Variants in TSPEAR observed in about 807,000 individuals in gnomAD.
TSPEAR encodes the protein thrombospondin-type laminin G domain and EAR repeat-containing protein.
Under a neutral mutation model 71.6 loss-of-function variants are expected in TSPEAR, and 69 were observed. The observed-to-expected ratio is 0.96, with a 90% CI of 0.79 to 1.18. The LOEUF (loss-of-function observed/expected upper bound fraction) is 1.18, where lower values mean the gene tolerates loss of function less well. TSPEAR is among the 50% of genes most tolerant of loss of function. TSPEAR has a pLI of 0.00. For missense variants in TSPEAR, 971 were observed against 894.9 expected (o/e 1.09, Z -1.09); for synonymous variants, 402 against 387.2 (o/e 1.04, Z -0.45).
chr21:44,587,660 T>C (rs113690143), intron 1 of TSPEAR, among the ~76,000 whole-genome samples: 4,550 of 152,116 alleles, frequency 0.03, 201 homozygotes, highest in African/African-American at 0.096. Context: ...CAAAACAGCA[T>C]TGGTATAAAA....
intron 11 of TSPEAR, among the ~76,000 whole-genome samples, chr21:44,501,625 AT>A (rs1555911099): frequency 2.0e-5 from 3 of 152,224 alleles, no homozygotes; most frequent in African/African-American, 2.4e-5. Flanking sequence ...TTAGCCAGGC[AT>A]GGTTGGCCCA....
chr21:44,677,420 A>T, intron 1 of TSPEAR: 2 of 1,008,036 alleles, frequency 2.0e-6, no homozygotes, highest in Non-Finnish European at 3.2e-6. Context: ...TCGCCTGCAG[A>T]GTGACATTTG....
At chr21:44,602,082 C>T (rs916020917) in intron 1 of TSPEAR, 2 of 408,756 alleles carry the variant, frequency 4.9e-6, no homozygotes, top group East Asian at 4.6e-5. Flanking sequence ...GAGCCCTGCT[C>T]CTCCCCTGCT....
In TSPEAR at chr21:44,593,690, G is replaced by C. The variant is rs988004116; in HGVS notation, c.83-25685C>G. Among the ~76,000 whole-genome samples, 1 of 152,180 alleles carries C rather than the reference G, an allele frequency of 6.6e-6. No homozygotes were observed. Among genetic ancestry groups the C allele is most frequent in the Admixed American group, 6.5e-5 (1 of 15,286 alleles). On this transcript the variant is annotated intron_variant, in intron 1 of 11. Coordinates refer to ENST00000323084, the MANE Select transcript of TSPEAR (RefSeq NM_144991.3). The surrounding 1 kb of genome is among the most constrained non-coding windows in gnomAD (Gnocchi z 5.9). ...CCCACAGAGCAGACTCTGGCAATAA[G>C]ATATCAAATTACAAACAGGACCTCA...
At chr21:44,540,873 GT>G (rs1312711270) in intron 2 of TSPEAR, among the ~76,000 whole-genome samples, 2 of 152,310 alleles carry the variant, frequency 1.3e-5, no homozygotes, top group East Asian at 3.9e-4. Context: ...GGAAAGAAAA[GT>G]TTTGAACTGG....
intron 1 of TSPEAR, among the ~76,000 whole-genome samples, chr21:44,652,748 G>A (rs937723908): frequency 2.0e-5 from 3 of 152,096 alleles, no homozygotes; most frequent in Admixed American, 6.5e-5. Flanking sequence ...GGTTTTCTGG[G>A]ACTCCAGTTG....
At chr21:44,523,471 T>C (rs1208110096) in intron 8 of TSPEAR, among the ~76,000 whole-genome samples, 2 of 151,152 alleles carry the variant, frequency 1.3e-5, no homozygotes, top group Non-Finnish European at 2.9e-5. Context: ...AATCAGTCAG[T>C]CAGGCAGTTA....
intron 2 of TSPEAR, among the ~76,000 whole-genome samples, chr21:44,554,022 T>C (rs1555919447): frequency 6.6e-6 from 1 of 152,112 alleles, no homozygotes; most frequent in African/African-American, 2.4e-5. Flanking sequence ...TTGGAAAAAA[T>C]GCTTAAGGAA....
intron 1 of TSPEAR, chr21:44,697,193 G>A (rs782186921): frequency 7.4e-6 from 12 of 1,612,264 alleles, no homozygotes; most frequent in Non-Finnish European, 7.6e-6. Context: ...CAGCACGGCT[G>A]CATCCACCAT....
At chr21:44,531,887 A>G (rs2052980014) in intron 3 of TSPEAR, among the ~76,000 whole-genome samples, 1 of 152,248 alleles carries the variant, frequency 6.6e-6, no homozygotes, top group South Asian at 2.1e-4. Flanking sequence ...CAGCGTGGCT[A>G]GAGCTCCTGG....
chr21:44,539,146 C>T (rs2053151105), intron 2 of TSPEAR: 2 of 1,318,618 alleles, frequency 1.5e-6, no homozygotes, highest in African/African-American at 1.5e-5. Flanking sequence ...AGGATGGAGG[C>T]TCCTGGGAGC....
In TSPEAR at chr21:44,608,851, C is replaced by T. The variant is rs1225307975; in HGVS notation, c.83-40846G>A. ...CAACATATGCCTATCTATGACCAAG[C>T]AATTCCACTTTTGGGAGCACAATGA... On this transcript the variant is annotated intron_variant, in intron 1 of 11. Transcript: ENST00000323084. Among the ~76,000 whole-genome samples, 3 of 152,196 alleles carry T rather than the reference C, an allele frequency of 2.0e-5. No individual in the cohort carries two copies. In the East Asian group the frequency reaches 5.8e-4, roughly 29 times the overall value.
intron 1 of TSPEAR, chr21:44,646,602 C>G: frequency 1.2e-6 from 2 of 1,612,726 alleles, no homozygotes; most frequent in Non-Finnish European, 1.7e-6. Flanking sequence ...TGGTCTGCAC[C>G]CCAGTGAGCT....
At position 44,499,050 on chromosome 21, in the gene TSPEAR, CAT is replaced by C. The variant is rs782642760; in HGVS notation, c.*731_*732del. ...GCCTGAGTCCCAGTCAGCTGGAGGA[CAT>C]GTGATTAAAATGCTGCTGAATAGGG... is the stretch of plus-strand genomic sequence containing the variant. On this transcript the variant is annotated 3_prime_UTR_variant, in exon 12 of 12. Coordinates refer to ENST00000323084, the MANE Select transcript of TSPEAR (RefSeq NM_144991.3). 2 of 152,246 alleles carry C rather than the reference CAT, an allele frequency of 1.3e-5. No homozygotes were observed. Among genetic ancestry groups the C allele is most frequent in the Non-Finnish European group, 2.9e-5 (2 of 68,066 alleles). 9.4% of individuals were successfully genotyped at this position (152,246 alleles called of 1,614,324 possible). A position where few individuals can be genotyped will look rare whatever the true frequency, so the allele number is the denominator to read the frequency against.
At chr21:44,539,848 C>T in intron 2 of TSPEAR, 1 of 1,576,028 alleles carries the variant, frequency 6.3e-7, no homozygotes, top group African/African-American at 1.4e-5. Flanking sequence ...AGCAGACGGG[C>T]ACGCAGCAGG....
chr21:44,517,063 G>A (rs1217799315), intron 9 of TSPEAR, among the ~76,000 whole-genome samples: 3 of 152,172 alleles, frequency 2.0e-5, no homozygotes, highest in Non-Finnish European at 4.4e-5. Context: ...GACTCCTGCA[G>A]TCTGTGCTTC....
At chr21:44,647,096 C>G (rs1984464359) in intron 1 of TSPEAR, 1 of 1,613,732 alleles carries the variant, frequency 6.2e-7, no homozygotes, top group Non-Finnish European at 8.5e-7. Context: ...AGGGCTTCCT[C>G]TTCACGCTGC....
In TSPEAR at chr21:44,534,955, G is replaced by A. The variant is rs1487044329; in HGVS notation, c.304-1032C>T. ...TATTAGTCAGCCATAAAGAGGGAAG[G>A]AAATGCTGACACATGCTGCAACATG... On this transcript the variant is annotated intron_variant, in intron 2 of 11. Coordinates refer to ENST00000323084, the MANE Select transcript of TSPEAR (RefSeq NM_144991.3). Among the ~76,000 whole-genome samples the A allele has an allele frequency of 2.6e-5, 4 of 152,314 alleles. No homozygotes were observed. In the East Asian group the frequency reaches 7.7e-4, roughly 29 times the overall value.
Position 44,612,838 on chromosome 21 carries a change from G to A in TSPEAR, c.83-44833C>T. On this transcript the variant is annotated intron_variant, in intron 1 of 11. Coordinates refer to ENST00000323084, the MANE Select transcript of TSPEAR (RefSeq NM_144991.3). This position sits in a 1 kb window ranked among gnomAD's most constrained non-coding sequence, Gnocchi z 4.1. Reference sequence around the variant, plus strand: ...GCTGCTGCCACCCGGCCTCCTGCCTGTCCTTCCTCTGCCGCCCCGCGTGCT... The same window carrying A: ...GCTGCTGCCACCCGGCCTCCTGCCTATCCTTCCTCTGCCGCCCCGCGTGCT... 6.2e-7 allele frequency: 1 copy of A among 1,612,708 alleles called. No homozygotes were observed. Among genetic ancestry groups the A allele is most frequent in the South Asian group, 1.1e-5 (1 of 90,932 alleles).
Sources: gnomAD v4.1 joint callset for allele counts (sites outside exome capture counted in the v4.1 genomes callset) on GRCh38, gnomAD v4.1.1 for gene constraint, Gnocchi (gnomAD v3.1) non-coding constraint, MANE v1.5 for transcripts, NCBI Gene and HGNC (gene_info 2026-07-23, HGNC 2026-07-21) for gene names.